IFT74: variants seen among roughly 807,000 people sequenced by gnomAD.
IFT74 encodes intraflagellar transport 74.
A neutral mutation model predicts 96.7 loss-of-function variants in IFT74; 92 were observed. The ratio of observed to expected loss-of-function variants is 0.95; its 90% CI spans 0.80 to 1.13. The LOEUF is 1.13. Among genes scored for constraint, IFT74 ranks in the 50% most tolerant of loss-of-function variants. The probability of loss-of-function intolerance (pLI) is 0.00; values close to 1 mark genes in which losing one functional copy is unlikely to be tolerated. For missense variants in IFT74, 811 were observed against 698.2 expected (o/e 1.16, Z -1.82); for synonymous variants, 223 against 213.2 (o/e 1.05, Z -0.40).
rs1820370390 is a variant in IFT74, at chr9:27,060,582, T to C, written c.1624-9T>C. The C allele has an allele frequency of 1.9e-6, 3 of 1,579,434 alleles. No homozygotes were observed. Among genetic ancestry groups the C allele is most frequent in the Non-Finnish European group, 2.6e-6 (3 of 1,156,956 alleles). The stretch of plus-strand genomic sequence containing the variant: ...GGTCCTAATTAATATTTTTCTTTTA[T>C]GTTTTTAGCTTACAAATTTGGAGAG... On this transcript the variant is annotated splice_polypyrimidine_tract_variant and intron_variant, in intron 18 of 19. Transcript: ENST00000380062.
intron 12 of IFT74, among the ~76,000 whole-genome samples, chr9:27,022,520 A>G (rs1047347143): frequency 6.6e-6 from 1 of 151,856 alleles, no homozygotes; most frequent in African/African-American, 2.4e-5. Flanking sequence ...AGTGTTTTGT[A>G]GTTTTCCTTG....
intron 8 of IFT74, among the ~76,000 whole-genome samples, chr9:27,000,789 T>G (rs1563963268): frequency 6.6e-6 from 1 of 152,212 alleles, no homozygotes. Context: ...TGTTTACCTA[T>G]GTAACAAACC....
At chr9:27,058,858 G>A (rs1283500080) in intron 18 of IFT74, among the ~76,000 whole-genome samples, 1 of 152,150 alleles carries the variant, frequency 6.6e-6, no homozygotes, top group African/African-American at 2.4e-5. Flanking sequence ...CAGTTATTCT[G>A]TTCTACTTCA....
chr9:27,063,021 A>T lies in IFT74; in HGVS notation c.*285A>T. The T allele has an allele frequency of 3.3e-6, 1 of 302,698 alleles. No homozygotes were observed. Among genetic ancestry groups the T allele is most frequent in the Non-Finnish European group, 6.0e-6 (1 of 165,522 alleles). 18.8% of individuals were successfully genotyped at this position (302,698 alleles called of 1,614,324 possible). On this transcript the variant is annotated 3_prime_UTR_variant, in exon 20 of 20. Coordinates refer to ENST00000380062, the MANE Select transcript of IFT74 (RefSeq NM_025103.4). ...CCGTTGAAATTTATTTAGCTGGTAT[A>T]ATCCATCTATGGCAACAAATGAGAT...
intron 10 of IFT74, among the ~76,000 whole-genome samples, chr9:27,015,514 A>C (rs1051789612): frequency 1.3e-5 from 2 of 152,050 alleles, no homozygotes; most frequent in African/African-American, 4.8e-5. Context: ...GCAGGCGCCT[A>C]TAATCCCAGC....
Position 26,990,143 on chromosome 9 carries a change from CA to C in IFT74, c.539del (p.Asn180MetfsTer52). 2.0e-6 allele frequency: 3 copies of C among 1,500,508 alleles called. No individual in the cohort carries two copies. The highest frequency in any genetic ancestry group is 2.9e-5 in the South Asian group (2 of 68,742). The allele number at this position is 1,500,508 out of a possible 1,614,324, so 92.9% of individuals were successfully genotyped here. A position where few individuals can be genotyped will look rare whatever the true frequency, so the allele number is the denominator to read the frequency against. On this transcript the variant is annotated frameshift_variant, in exon 8 of 20. Coordinates refer to ENST00000380062, the MANE Select transcript of IFT74 (RefSeq NM_025103.4). LOFTEE classifies it high-confidence loss of function. Reference sequence around the variant, plus strand: ...TGTTAACTTTATTCAGCTTAAAGCTCAAAATGATCGAGAAACACAAAGTTTG... The same window carrying C: ...TGTTAACTTTATTCAGCTTAAAGCTCAAATGATCGAGAAACACAAAGTTTG... ...VMNDYNMLKA[Q>X]NDRETQSLDV...
At chr9:27,003,890 A>T (rs558380812) in intron 8 of IFT74, among the ~76,000 whole-genome samples, 62 of 152,288 alleles carry the variant, frequency 4.1e-4, no homozygotes, top group African/African-American at 1.3e-3. Context: ...ACCTATGTTT[A>T]ATGATTTATA....
Position 27,065,990 on chromosome 9 carries a change from CAG to C in IFT74, c.*3256_*3257del, listed in dbSNP as rs1820592662. Among the ~76,000 whole-genome samples the C allele has an allele frequency of 2.0e-5, 3 of 152,106 alleles. No individual in the cohort carries two copies. The highest frequency in any genetic ancestry group is 1.3e-4 in the Admixed American group (2 of 15,280). ...TACAAAGGTAGATAATTTAGGAAGA[CAG>C]ATAAATAAAATGAAGAAAGTAAGTT... On this transcript the variant is annotated 3_prime_UTR_variant, in exon 20 of 20. Transcript: ENST00000380062.
chr9:26,964,039 A>G (rs1360518240), intron 2 of IFT74, among the ~76,000 whole-genome samples: 2 of 148,832 alleles, frequency 1.3e-5, no homozygotes. Context: ...GTCCTTGCCC[A>G]TGCCTATGTC....
chr9:26,975,099 T>G (rs1028378253), intron 2 of IFT74, among the ~76,000 whole-genome samples: 1 of 151,948 alleles, frequency 6.6e-6, no homozygotes, highest in Admixed American at 6.6e-5. Context: ...AGGAATAACG[T>G]GAGCAGGGAA....
intron 8 of IFT74, chr9:26,993,048 G>A (rs1323779575): frequency 6.6e-6 from 1 of 152,182 alleles, no homozygotes; most frequent in Non-Finnish European, 1.5e-5. Flanking sequence ...TTGAACTAAT[G>A]ATTCTCTTCT....
intron 1 of IFT74, among the ~76,000 whole-genome samples, chr9:26,959,089 T>TTCGTTG (rs1554664434): frequency 3.3e-5 from 5 of 150,524 alleles, no homozygotes; most frequent in African/African-American, 1.2e-4. Flanking sequence ...AGCTATTCTT[T>TTCGTTG]TTGTTGTTGT....
chr9:27,019,763 G>C (rs1324780272), intron 12 of IFT74, among the ~76,000 whole-genome samples: 1 of 151,540 alleles, frequency 6.6e-6, no homozygotes, highest in Non-Finnish European at 1.5e-5. Context: ...TTTTGTGTGG[G>C]CATATGTTTT....
At chr9:26,952,099 C>G (rs1445834078), upstream of IFT74, among the ~76,000 whole-genome samples, 1 of 152,030 alleles carries the variant, frequency 6.6e-6, no homozygotes, top group Non-Finnish European at 1.5e-5. Flanking sequence ...ATTTAGTAAG[C>G]GTTTTTCTTG....
At position 27,055,459 on chromosome 9, in the gene IFT74, T is replaced by G. The variant is rs1820119340; in HGVS notation, c.1334-150T>G. The G allele has an allele frequency of 9.5e-6, 5 of 528,072 alleles. No homozygotes were observed. In the East Asian group the frequency reaches 1.5e-4, roughly 15 times the overall value. 32.7% of individuals were successfully genotyped at this position (528,072 alleles called of 1,614,324 possible). A position where few individuals can be genotyped will look rare whatever the true frequency, so the allele number is the denominator to read the frequency against. ...TTGAGGGGATGAGTATTTTTTTTTCTTAGTTTATATTATCTCACTGGTTAC... is the reference window on the plus strand; with the variant it reads ...TTGAGGGGATGAGTATTTTTTTTTCGTAGTTTATATTATCTCACTGGTTAC... On this transcript the variant is annotated intron_variant, in intron 16 of 19. Coordinates refer to ENST00000380062, the MANE Select transcript of IFT74 (RefSeq NM_025103.4).
At chr9:27,014,993 A>G (rs964775442) in intron 10 of IFT74, among the ~76,000 whole-genome samples, 1 of 152,222 alleles carries the variant, frequency 6.6e-6, no homozygotes, top group African/African-American at 2.4e-5. Flanking sequence ...TTTTTTGAAT[A>G]CTTTATGTTC....
rs1820516800 is a variant in IFT74 at position 27,063,531 on chromosome 9, T to C, written c.*795T>C. ...AAGAGGTAGGATTGGGAGAGAGGCA[T>C]AGAGTCTGGAAGACATTATATTAAC... is the stretch of plus-strand genomic sequence containing the variant. On this transcript the variant is annotated 3_prime_UTR_variant, in exon 20 of 20. Coordinates refer to ENST00000380062, the MANE Select transcript of IFT74 (RefSeq NM_025103.4). 6.6e-6 allele frequency among the ~76,000 whole-genome samples: 1 copy of C among 152,080 alleles called. No individual in the cohort carries two copies. Among genetic ancestry groups the C allele is most frequent in the Non-Finnish European group, 1.5e-5 (1 of 67,952 alleles).
chr9:26,952,513 G>T (rs997759954), upstream of IFT74, among the ~76,000 whole-genome samples: 4 of 152,142 alleles, frequency 2.6e-5, no homozygotes, highest in South Asian at 8.3e-4. Flanking sequence ...TTGACCTCAG[G>T]TGATCCGCCT....
chr9:27,053,091 C>A lies in IFT74; in HGVS notation c.1334-2518C>A, dbSNP rs1006709848. On this transcript the variant is annotated intron_variant, in intron 16 of 19. Transcript: ENST00000380062. The stretch of plus-strand genomic sequence containing the variant: ...TGTTAGCCAGGATGGCCTCGATCTC[C>A]TGACCTCGTGATCCGCCCGCCTCGG... 2.0e-5 allele frequency among the ~76,000 whole-genome samples: 3 copies of A among 150,114 alleles called. No homozygotes were observed. In the Admixed American group the frequency reaches 2.0e-4, roughly 10 times the overall value.
Sources: gnomAD v4.1 joint callset for allele counts (sites outside exome capture counted in the v4.1 genomes callset) on GRCh38, gnomAD v4.1.1 for gene constraint, MANE v1.5 for transcripts, NCBI Gene and HGNC (gene_info 2026-07-23, HGNC 2026-07-21) for gene names.